The following CAMSAP1 variants were observed in gnomAD, a reference collection of about 807,000 sequenced individuals.
CAMSAP1 encodes calmodulin regulated spectrin associated protein 1.
Under a neutral mutation model 143.5 loss-of-function variants are expected in CAMSAP1, and 58 were observed. The ratio of observed to expected loss-of-function variants is 0.40; its 90% confidence interval spans 0.33 to 0.50. CAMSAP1 has a LOEUF of 0.50. Among genes scored for constraint, CAMSAP1 ranks in the 20% least tolerant of loss-of-function variants. The pLI is 0.45. For synonymous variants in CAMSAP1, 945 were observed against 859.3 expected (o/e 1.10, Z -1.74); for missense variants, 1,969 against 2,115.7 (o/e 0.93, Z 1.36).
At chr9:135,901,941 A>G (rs933501858) in intron 1 of CAMSAP1, among the ~76,000 whole-genome samples, 15 of 152,200 alleles carry the variant, frequency 9.9e-5, no homozygotes, top group African/African-American at 3.4e-4. Flanking sequence ...TCCTCTGCAC[A>G]GGGCTGTAGC....
rs371227321 is a variant in CAMSAP1, at chr9:135,819,060, C to T, written c.3909G>A (p.Val1303=). 1.1e-5 allele frequency: 18 copies of T among 1,606,230 alleles called. No individual in the cohort carries two copies. The highest frequency in any genetic ancestry group is 1.6e-4 in the Middle Eastern group (1 of 6,076). Residue 1303 remains valine, a synonymous_variant, in exon 12 of 17, where the codon GTG becomes GTA. Coordinates refer to ENST00000389532, the MANE Select transcript of CAMSAP1 (RefSeq NM_015447.4). ...KQQRKAEEAR[V]RKQQLEAEVE... ...CCTCCGCTTCCAGCTGCTGCTTGCG[C>T]ACGCGGGCCTCCTCGGCCTTGCGCT...
chr9:135,815,014 G>A (rs559197993), intron 16 of CAMSAP1, 83 bp downstream of exon 16: 691 of 948,402 alleles, frequency 7.3e-4, no homozygotes, highest in Non-Finnish European at 9.5e-4. Context: ...CAAAGATTAG[G>A]GGTGTTTTCT....
In CAMSAP1 at chr9:135,811,097, C is replaced by T; in HGVS notation, c.*212G>A. The T allele has an allele frequency of 3.2e-6, 2 of 617,742 alleles. No individual in the cohort carries two copies. The highest frequency in any genetic ancestry group is 4.1e-5 in the South Asian group (2 of 48,882). The allele number at this position is 617,742 out of a possible 1,614,324, so 38.3% of individuals were successfully genotyped here. On this transcript the variant is annotated 3_prime_UTR_variant, in exon 17 of 17. Coordinates refer to ENST00000389532, the MANE Select transcript of CAMSAP1 (RefSeq NM_015447.4). The surrounding 1 kb of genome is among the most constrained non-coding windows in gnomAD (Gnocchi z 4.9). ...CGGCATCTACTCCCCCATCCTCACC[C>T]TGCCTGGCATCCTCTGCGTGAGATG...
intron 1 of CAMSAP1, among the ~76,000 whole-genome samples, chr9:135,896,799 T>A (rs187770903): frequency 1.3e-3 from 198 of 152,314 alleles, no homozygotes; most frequent in African/African-American, 4.4e-3. Flanking sequence ...CACGGCAACC[T>A]AATCCCCAAT....
chr9:135,877,546 C>T (rs1009661148), intron 3 of CAMSAP1, among the ~76,000 whole-genome samples: 3 of 151,158 alleles, frequency 2.0e-5, no homozygotes, highest in Non-Finnish European at 2.9e-5. Flanking sequence ...TGGCTCACAT[C>T]TGTAATCCTA....
At position 135,822,913 on chromosome 9, in the gene CAMSAP1, G is replaced by C. The variant is rs766318446; in HGVS notation, c.1748C>G (p.Ser583Trp). The C allele has an allele frequency of 6.2e-7, 1 of 1,613,944 alleles. No homozygotes were observed. Among genetic ancestry groups the C allele is most frequent in the Non-Finnish European group, 8.5e-7 (1 of 1,179,888 alleles). ...ARSPQGQLDTSESKPDSFFLE... is the reference protein window; with the variant it reads ...ARSPQGQLDTWESKPDSFFLE... The stretch of plus-strand genomic sequence containing the variant: ...GAAAAAACTGTCAGGCTTACTTTCC[G>C]AGGTGTCCAGCTGTCCTTGGGGAGA... Residue 583 changes from serine to tryptophan, a missense_variant, in exon 11 of 17, where the codon TCG becomes TGG. This residue lies in a region of CAMSAP1 where 1,390 missense variants were observed against 1,420.8 expected (regional missense o/e 0.98). Coordinates refer to ENST00000389532, the MANE Select transcript of CAMSAP1 (RefSeq NM_015447.4). The surrounding 1 kb of genome is among the most constrained non-coding windows in gnomAD (Gnocchi z 6.1).
In CAMSAP1 at chr9:135,808,717, C is replaced by T. The variant is rs924999528; in HGVS notation, c.*2592G>A. On this transcript the variant is annotated 3_prime_UTR_variant, in exon 17 of 17. Transcript: ENST00000389532. ...TGGAAAGCAGTCCATCTTTGGTGCA[C>T]GCACACAGCCATGTGCACGCACACG... The T allele has an allele frequency of 2.6e-5, 4 of 152,190 alleles. No individual in the cohort carries two copies. Among genetic ancestry groups the T allele is most frequent in the Admixed American group, 6.6e-5 (1 of 15,264 alleles). The allele number at this position is 152,190 out of a possible 1,614,324, so 9.4% of individuals were successfully genotyped here.
chr9:135,824,019 G>T lies in CAMSAP1; in HGVS notation c.1331C>A (p.Ser444Ter). The T allele has an allele frequency of 6.3e-7, 1 of 1,583,836 alleles. No individual in the cohort carries two copies. Among genetic ancestry groups the T allele is most frequent in the Non-Finnish European group, 8.6e-7 (1 of 1,164,352 alleles). The stretch of plus-strand genomic sequence containing the variant: ...ACCATCAACTCGGGTCAAAGAATTC[G>T]ATCGATGTCGCTGATCTGCAGTACA... ...GEDIPDQRHR[S>*]NSLTRVDGQP... is the part of the protein sequence containing the mutation. Residue 444 changes from serine to a stop codon, truncating the protein, a stop_gained, in exon 10 of 17, where the codon TCG (serine) becomes TAG (stop). Transcript: ENST00000389532. LOFTEE classifies it high-confidence loss of function. The surrounding 1 kb of genome is among the most constrained non-coding windows in gnomAD (Gnocchi z 4.1).
chr9:135,891,001 G>A (rs936323781), intron 1 of CAMSAP1, among the ~76,000 whole-genome samples: 4 of 152,234 alleles, frequency 2.6e-5, no homozygotes, highest in Admixed American at 6.5e-5. Flanking sequence ...GCACACTGGG[G>A]AGGAGGGTCC....
At position 135,837,574 on chromosome 9, in the gene CAMSAP1, A is replaced by T. The variant is rs542337503; in HGVS notation, c.1046-9990T>A. Among the ~76,000 whole-genome samples the T allele has an allele frequency of 2.1e-5, 3 of 146,058 alleles. No homozygotes were observed. The East Asian group carries it at 6.2e-4, about 30-fold the overall frequency. On this transcript the variant is annotated intron_variant, in intron 7 of 16. Transcript: ENST00000389532. ...AGACACACATCATCACGCACTTTCT[A>T]CCGGTTCTACAGACACATGTCATCC...
intron 5 of CAMSAP1, among the ~76,000 whole-genome samples, chr9:135,856,210 A>G (rs902671615): frequency 2.0e-4 from 30 of 152,224 alleles, no homozygotes; most frequent in South Asian, 6.2e-4. Flanking sequence ...AGTTTATTGG[A>G]CTTACAGTTC....
chr9:135,829,158 T>C (rs1237259118), intron 7 of CAMSAP1, among the ~76,000 whole-genome samples: 1 of 152,148 alleles, frequency 6.6e-6, no homozygotes, highest in Non-Finnish European at 1.5e-5. Flanking sequence ...ACAAACATAA[T>C]ACTGTATTAC....
chr9:135,897,320 A>G (rs1160315411), intron 1 of CAMSAP1, among the ~76,000 whole-genome samples: 1 of 151,830 alleles, frequency 6.6e-6, no homozygotes, highest in Non-Finnish European at 1.5e-5. Flanking sequence ...CACCCAGCTA[A>G]TTCTTTTTTT....
intron 1 of CAMSAP1, among the ~76,000 whole-genome samples, chr9:135,896,415 G>C (rs1040711911): frequency 6.6e-6 from 1 of 151,992 alleles, no homozygotes; most frequent in African/African-American, 2.4e-5. Flanking sequence ...CTAAAAAGAG[G>C]AACAGACAAA....
At chr9:135,881,222 T>C (rs917924806) in intron 3 of CAMSAP1, among the ~76,000 whole-genome samples, 1 of 151,812 alleles carries the variant, frequency 6.6e-6, no homozygotes, top group Non-Finnish European at 1.5e-5. Flanking sequence ...CCAAGCATAG[T>C]AGCACGTGCC....
intron 1 of CAMSAP1, among the ~76,000 whole-genome samples, chr9:135,900,466 G>A (rs1838582423): frequency 6.6e-6 from 1 of 152,018 alleles, no homozygotes; most frequent in South Asian, 2.1e-4. Context: ...GGCTGAGGTG[G>A]GCAGATCACG....
At chr9:135,850,488 T>G in intron 5 of CAMSAP1, 27 bp from the exon 6 acceptor site, 1 of 1,531,012 alleles carries the variant, frequency 6.5e-7, no homozygotes, top group Non-Finnish European at 8.8e-7. Flanking sequence ...AAATCACAAT[T>G]TATTGTAAAG....
At chr9:135,884,986 C>T (rs766349425) in intron 1 of CAMSAP1, among the ~76,000 whole-genome samples, 3 of 152,144 alleles carry the variant, frequency 2.0e-5, no homozygotes, top group African/African-American at 4.8e-5. Flanking sequence ...CAGTTCACAC[C>T]GGCTGCGGGG....
chr9:135,873,197 T>TC (rs1837623713), intron 3 of CAMSAP1, among the ~76,000 whole-genome samples: 1 of 152,130 alleles, frequency 6.6e-6, no homozygotes, highest in East Asian at 1.9e-4. Flanking sequence ...TCTTTAAGTA[T>TC]CTGAAAATTA....
Sources: gnomAD v4.1 joint callset for allele counts (sites outside exome capture counted in the v4.1 genomes callset) on GRCh38, gnomAD v4.1.1 for gene constraint, gnomAD v4.1.1 regional missense constraint, Gnocchi (gnomAD v3.1) non-coding constraint, MANE v1.5 for transcripts, NCBI Gene and HGNC (gene_info 2026-07-23, HGNC 2026-07-21) for gene names.